Variants in PRKCA observed in about 807,000 individuals in gnomAD.
PRKCA encodes protein kinase C alpha type.
A neutral mutation model predicts 87.0 loss-of-function variants in PRKCA; 27 were observed. The observed-to-expected ratio is 0.31, with a 90% CI of 0.23 to 0.43. The LOEUF is 0.43. Among genes scored for constraint, PRKCA ranks in the 20% least tolerant of loss-of-function variants. The pLI, the probability that PRKCA is intolerant of heterozygous loss-of-function variation, is 1.00. For synonymous variants in PRKCA, 329 were observed against 311.1 expected (o/e 1.06, Z -0.61); for missense variants, 518 against 852.3 (o/e 0.61, Z 4.88).
At chr17:66,688,778 G>A (rs1256715418) in intron 7 of PRKCA, among the ~76,000 whole-genome samples, 173 bp from the exon 8 acceptor site, 2 of 152,100 alleles carry the variant, frequency 1.3e-5, no homozygotes, top group African/African-American at 4.8e-5. Context: ...CCCCCAGCCT[G>A]CACAACAGAG....
intron 8 of PRKCA, among the ~76,000 whole-genome samples, chr17:66,730,632 T>C (rs565866363): frequency 6.6e-6 from 1 of 152,306 alleles, no homozygotes; most frequent in East Asian, 1.9e-4. Context: ...GTATTATAAT[T>C]AGCATACGAT....
chr17:66,606,281 G>A (rs567373052), intron 3 of PRKCA, among the ~76,000 whole-genome samples: 188 of 152,202 alleles, frequency 1.2e-3, no homozygotes, highest in African/African-American at 4.2e-3. Context: ...CCAGCTACTC[G>A]GGAGGCTGAG....
chr17:66,674,074 G>A (rs757790645), intron 5 of PRKCA, among the ~76,000 whole-genome samples: 22 of 152,206 alleles, frequency 1.4e-4, no homozygotes, highest in Non-Finnish European at 7.3e-5. Context: ...TAGCATTCCG[G>A]TCATTCAGCA....
chr17:66,332,096 A>G (rs923592477), intron 2 of PRKCA, among the ~76,000 whole-genome samples: 3 of 151,734 alleles, frequency 2.0e-5, no homozygotes, highest in Non-Finnish European at 4.4e-5. Flanking sequence ...CTTTTACCCC[A>G]TTCATAATAG....
chr17:66,778,195 C>T (rs905876220), intron 14 of PRKCA: 5 of 985,186 alleles, frequency 5.1e-6, no homozygotes, highest in Non-Finnish European at 6.0e-6. Context: ...TATATGCATA[C>T]TTTCAGGTCT....
At chr17:66,747,226 C>T (rs114545884) in intron 13 of PRKCA, among the ~76,000 whole-genome samples, 1,824 of 152,224 alleles carry the variant, frequency 0.012, 47 homozygotes, top group African/African-American at 0.042. Context: ...TGTGCCACCA[C>T]GCCTGCTAAT....
At chr17:66,403,284 T>C (rs1911147922) in intron 2 of PRKCA, among the ~76,000 whole-genome samples, 1 of 152,196 alleles carries the variant, frequency 6.6e-6, no homozygotes, top group African/African-American at 2.4e-5. Context: ...TGGTTTCCAA[T>C]TTAGTCTACA....
intron 2 of PRKCA, among the ~76,000 whole-genome samples, chr17:66,335,779 C>T (rs181218230): frequency 2.6e-5 from 4 of 152,104 alleles, no homozygotes; most frequent in Admixed American, 6.5e-5. Context: ...TTCACTAATG[C>T]GAGGAATACT....
intron 2 of PRKCA, chr17:66,340,081 T>C (rs1906946574): frequency 6.6e-6 from 1 of 152,188 alleles, no homozygotes; most frequent in African/African-American, 2.4e-5. Context: ...GAGTTAAAAT[T>C]GTGTGGATTA....
chr17:66,767,875 A>T (rs1974845385), intron 13 of PRKCA, among the ~76,000 whole-genome samples: 1 of 152,192 alleles, frequency 6.6e-6, no homozygotes, highest in South Asian at 2.1e-4. Context: ...ATACTATCTG[A>T]TGCTGAAGGT....
chr17:66,513,764 A>G (rs1240105602), intron 3 of PRKCA, among the ~76,000 whole-genome samples: 1 of 152,248 alleles, frequency 6.6e-6, no homozygotes, highest in East Asian at 1.9e-4. Context: ...AAAAATGCTT[A>G]TATGATGCTA....
intron 3 of PRKCA, among the ~76,000 whole-genome samples, chr17:66,629,174 C>T (rs981617682): frequency 3.9e-5 from 6 of 152,126 alleles, no homozygotes; most frequent in African/African-American, 9.7e-5. Flanking sequence ...ACTTGGCAGT[C>T]GAGAAAAAGA....
At chr17:66,799,385 A>ACGG in intron 16 of PRKCA, among the ~76,000 whole-genome samples, 7 of 28,172 alleles carry the variant, frequency 2.5e-4, no homozygotes, top group African/African-American at 4.5e-4. Flanking sequence ...GGTGGTGGTG[A>ACGG]TGGTGGTGGT....
At chr17:66,592,982 G>C (rs577687397) in intron 3 of PRKCA, among the ~76,000 whole-genome samples, 1 of 152,220 alleles carries the variant, frequency 6.6e-6, no homozygotes, top group Admixed American at 6.5e-5. Context: ...AGTAGAGACA[G>C]GGTTTCACCA....
At chr17:66,737,571 C>T (rs1974065246) in intron 10 of PRKCA, among the ~76,000 whole-genome samples, 1 of 152,218 alleles carries the variant, frequency 6.6e-6, no homozygotes, top group South Asian at 2.1e-4. Context: ...TTGGGAGGAA[C>T]CTCTCAGTGC....
chr17:66,532,385 A>T (rs1379953355), intron 3 of PRKCA, among the ~76,000 whole-genome samples: 2 of 107,930 alleles, frequency 1.9e-5, no homozygotes, highest in Non-Finnish European at 3.7e-5. Flanking sequence ...TTTTTTTTTG[A>T]GACAGAGTCT....
intron 3 of PRKCA, among the ~76,000 whole-genome samples, chr17:66,548,089 G>A (rs2081549450): frequency 6.6e-6 from 1 of 152,234 alleles, no homozygotes; most frequent in Admixed American, 6.5e-5. Flanking sequence ...AATTGTAGCT[G>A]TAATTGTGGG....
chr17:66,411,818 C>T (rs1911821340), intron 2 of PRKCA, among the ~76,000 whole-genome samples: 3 of 148,910 alleles, frequency 2.0e-5, no homozygotes, highest in South Asian at 4.4e-4. Flanking sequence ...TGTCATTAAA[C>T]CCTGACTGTG....
At chr17:66,391,265 C>T (rs1910343118) in intron 2 of PRKCA, among the ~76,000 whole-genome samples, 2 of 152,214 alleles carry the variant, frequency 1.3e-5, no homozygotes, top group Non-Finnish European at 2.9e-5. Flanking sequence ...CATCATTCAA[C>T]TTGCATATAC....
Sources: gnomAD v4.1 joint callset for allele counts (sites outside exome capture counted in the v4.1 genomes callset) on GRCh38, gnomAD v4.1.1 for gene constraint, MANE v1.5 for transcripts, NCBI Gene and HGNC (gene_info 2026-07-23, HGNC 2026-07-21) for gene names.